PLXNB2: variants seen among roughly 807,000 people sequenced by gnomAD.
PLXNB2 encodes the protein plexin-B2.
In PLXNB2, 85 loss-of-function variants were observed where a neutral mutation model predicts 202.6. The ratio of observed to expected loss-of-function variants is 0.42; its 90% confidence interval spans 0.35 to 0.50. PLXNB2 has a LOEUF of 0.50. PLXNB2 is among the 20% of genes least tolerant of loss of function. The pLI is 0.02. For synonymous variants in PLXNB2, 1,239 were observed against 1,137.6 expected, an observed-to-expected ratio of 1.09 and a Z score of -1.79; for missense variants, 2,063 against 2,586.2, an observed-to-expected ratio of 0.80 and a Z score of 4.39.
intron 7 of PLXNB2, 66 bp downstream of exon 7, chr22:50,287,601 G>T: frequency 7.0e-7 from 1 of 1,433,690 alleles, no homozygotes; most frequent in Non-Finnish European, 9.4e-7. Context: ...ACAGCTCCCA[G>T]CATGGGGGAG....
Position 50,289,964 on chromosome 22 carries a change from C to T in PLXNB2, c.621G>A (p.Lys207=). The T allele has an allele frequency of 1.2e-6, 2 of 1,613,342 alleles. No individual in the cohort carries two copies. The highest frequency in any genetic ancestry group is 1.7e-6 in the Non-Finnish European group (2 of 1,180,028). The stretch of plus-strand genomic sequence containing the variant: ...GTGTGTTGGTGGACAGGTAGCCGGC[C>T]TTGTAGGTGGCGTGGTCCGTGTAGG... ...FEAYTDHATY[K]AGYLSTNTQQ... The change falls in exon 3 of 37, where the codon AAG becomes AAA. Residue 207 remains lysine (K), a synonymous_variant. Transcript: ENST00000359337. This position sits in a 1 kb window ranked among gnomAD's most constrained non-coding sequence, Gnocchi z 8.0.
intron 27 of PLXNB2, 24 bp from the exon 28 acceptor site, chr22:50,279,035 C>G (rs751119744): frequency 3.2e-6 from 5 of 1,584,490 alleles, no homozygotes; most frequent in Non-Finnish European, 4.3e-6. Context: ...CGGGATGAAG[C>G]CCAGTGGGAG....
intron 25 of PLXNB2, 22 bp from the exon 26 acceptor site, chr22:50,280,093 G>C (rs774430663): frequency 1.3e-6 from 2 of 1,575,294 alleles, no homozygotes; most frequent in South Asian, 1.2e-5. Flanking sequence ...GGGAGGCCTT[G>C]TACCGAGTGA....
chr22:50,277,956 C>A lies in PLXNB2; in HGVS notation c.4945G>T (p.Ala1649Ser). 6.2e-7 allele frequency: 1 copy of A among 1,612,880 alleles called. No individual in the cohort carries two copies. Among genetic ancestry groups the A allele is most frequent in the Non-Finnish European group, 8.5e-7 (1 of 1,179,712 alleles). Reference protein sequence around the residue: ...FFQSVLAPGHAVPPAVKYFFD... With the variant: ...FFQSVLAPGHSVPPAVKYFFD... ...AAGTACTTGACTGCAGGTGGCACCGCGTGCCCAGGCGCCAGCACGCTCTGG... is the reference window on the plus strand; with the variant it reads ...AAGTACTTGACTGCAGGTGGCACCGAGTGCCCAGGCGCCAGCACGCTCTGG... Residue 1649 changes from alanine (A) to serine (S), a missense_variant, in exon 32 of 37, where the codon GCG (alanine) becomes TCG (serine). Around this residue, in one of 2 missense-constraint regions of PLXNB2, gnomAD observed 760 missense variants for 1,109.4 expected, o/e 0.69. Coordinates refer to ENST00000359337, the MANE Select transcript of PLXNB2 (RefSeq NM_012401.4).
At position 50,297,394 on chromosome 22, in the gene PLXNB2, C is replaced by G. The variant is rs1000660318; in HGVS notation, c.-73-2616G>C. ...ATCGATCCACTCAGGAAGCCAGAGG[C>G]AAGACCCATACTCCACTCTCCTGGA... is the stretch of plus-strand genomic sequence containing the variant. On this transcript the variant is annotated intron_variant, in intron 1 of 36. Transcript: ENST00000359337. The surrounding 1 kb of genome is among the most constrained non-coding windows in gnomAD (Gnocchi z 5.3). Among the ~76,000 whole-genome samples the G allele has an allele frequency of 9.9e-5, 15 of 152,206 alleles. No individual in the cohort carries two copies. Among genetic ancestry groups the G allele is most frequent in the African/African-American group, 3.6e-4 (15 of 41,438 alleles).
intron 2 of PLXNB2, among the ~76,000 whole-genome samples, chr22:50,292,263 G>A (rs2066923196): frequency 6.6e-6 from 1 of 151,130 alleles, no homozygotes; most frequent in Non-Finnish European, 1.5e-5. Context: ...GCGTGAACCT[G>A]GGAGGCGGAG....
At chr22:50,278,723 G>A (rs1180692482) in intron 28 of PLXNB2, 27 bp from the exon 29 acceptor site, 2 of 1,597,052 alleles carry the variant, frequency 1.3e-6, no homozygotes, top group East Asian at 2.3e-5. Flanking sequence ...CCCAGCTTGG[G>A]CCCCAGCCAC....
rs779164308 is a variant in PLXNB2 at position 50,288,803 on chromosome 22, G to A, written c.1320C>T (p.Val440=). 7 of 1,613,222 alleles carry A rather than the reference G, an allele frequency of 4.3e-6. No individual in the cohort carries two copies. The South Asian group carries it at 6.6e-5, about 15-fold the overall frequency. Residue 440 remains valine, a synonymous_variant, in exon 5 of 37, where the codon GTC becomes GTT. Transcript: ENST00000359337. This position sits in a 1 kb window ranked among gnomAD's most constrained non-coding sequence, Gnocchi z 5.0. ...CTCCAGACAGTACCAGGTCGCGCTT[G>A]ACTCTCTTGTTTATCTCCACAAGGA... is the stretch of plus-strand genomic sequence containing the variant. ...DSILVEINKR[V]KRDLVLSGDL...
chr22:50,300,309 C>G, intron 1 of PLXNB2: 2 of 985,408 alleles, frequency 2.0e-6, no homozygotes, highest in Non-Finnish European at 2.4e-6. Flanking sequence ...GCACAGCCGG[C>G]CATTACCTAA....
At position 50,284,734 on chromosome 22, in the gene PLXNB2, G is replaced by A. The variant is rs1160729878; in HGVS notation, c.2089-69C>T. The A allele has an allele frequency of 9.5e-6, 11 of 1,161,350 alleles. No individual in the cohort carries two copies. The highest frequency in any genetic ancestry group is 1.4e-5 in the Non-Finnish European group (11 of 769,670). The allele number at this position is 1,161,350 out of a possible 1,614,324, so 71.9% of individuals were successfully genotyped here. A position where few individuals can be genotyped will look rare whatever the true frequency, so the allele number is the denominator to read the frequency against. On this transcript the variant is annotated intron_variant, in intron 11 of 36. Transcript: ENST00000359337. The surrounding 1 kb of genome is among the most constrained non-coding windows in gnomAD (Gnocchi z 8.0). Reference sequence around the variant, plus strand: ...CCCTGGCCCTCCTCCCAGAACCCCTGCAGCCCCTCCTCTGTGCCTACAGTG... The same window carrying A: ...CCCTGGCCCTCCTCCCAGAACCCCTACAGCCCCTCCTCTGTGCCTACAGTG...
Position 50,287,080 on chromosome 22 carries a change from G to A in PLXNB2, c.1762+31C>T, listed in dbSNP as rs765596684. The A allele has an allele frequency of 1.6e-5, 23 of 1,473,832 alleles. No individual in the cohort carries two copies. In the Middle Eastern group the frequency reaches 5.7e-4, roughly 37 times the overall value. 91.3% of individuals were successfully genotyped at this position (1,473,832 alleles called of 1,614,324 possible). ...CACAGGGCCCCGTGCGACCGAGAAG[G>A]GCCACCCGGGGGCTCGGGAAGGGGC... On this transcript the variant is annotated intron_variant, in intron 8 of 36. Coordinates refer to ENST00000359337, the MANE Select transcript of PLXNB2 (RefSeq NM_012401.4).
chr22:50,280,624 T>C lies in PLXNB2; in HGVS notation c.4040A>G (p.Lys1347Arg). 3.7e-6 allele frequency: 6 copies of C among 1,612,720 alleles called. No homozygotes were observed. Among genetic ancestry groups the C allele is most frequent in the Non-Finnish European group, 5.1e-6 (6 of 1,179,882 alleles). Residue 1347 changes from lysine (K) to arginine (R), a missense_variant, in exon 25 of 37, where the codon AAG becomes AGG. Transcript: ENST00000359337. ...CGTCAGCAGGGACGCGAAGTAGACCTTGGCGCGGGCCGAGAACTCCCGCTG... is the reference window on the plus strand; with the variant it reads ...CGTCAGCAGGGACGCGAAGTAGACCCTGGCGCGGGCCGAGAACTCCCGCTG... ...ENQREFSARAKVYFASLLTVA... is the reference protein window; with the variant it reads ...ENQREFSARARVYFASLLTVA...
At position 50,274,980 on chromosome 22, in the gene PLXNB2, A is replaced by G. The variant is rs4838815; in HGVS notation, c.*724T>C. On this transcript the variant is annotated 3_prime_UTR_variant, in exon 37 of 37. Coordinates refer to ENST00000359337, the MANE Select transcript of PLXNB2 (RefSeq NM_012401.4). The stretch of plus-strand genomic sequence containing the variant: ...CAGGAGGAACACTCAGCCAACCCGC[A>G]GAGTGAAAAAGACGCTGTATTTGAT... 48,858 of 115,948 alleles carry G rather than the reference A, an allele frequency of 0.42. 11,313 individuals are homozygous for G. Among genetic ancestry groups the G allele is most frequent in the Admixed American group, 0.52 (5,860 of 11,180 alleles). The allele number at this position is 115,948 out of a possible 1,614,324, so 7.2% of individuals were successfully genotyped here.
rs2065745202 is a variant in PLXNB2, at chr22:50,278,172, TTC to T, written c.4830_4831del (p.Lys1611GlyfsTer62). On this transcript the variant is annotated frameshift_variant, in exon 31 of 37. Transcript: ENST00000359337. LOFTEE classifies it high-confidence loss of function. ...CTCGGTGATGGCCTTCGTCCGCTCCTTCTCTTTCACGCTGCCTCTCTTGGACT... is the reference window on the plus strand; with the variant it reads ...CTCGGTGATGGCCTTCGTCCGCTCCTTCTTTCACGCTGCCTCTCTTGGACT... 2 of 1,603,548 alleles carry T rather than the reference TTC, an allele frequency of 1.2e-6. No individual in the cohort carries two copies.
At chr22:50,301,262 C>T in intron 1 of PLXNB2, 1 of 358,300 alleles carries the variant, frequency 2.8e-6, no homozygotes, top group Non-Finnish European at 3.9e-6. Flanking sequence ...AGACCCCATC[C>T]TGTCCAACCT....
chr22:50,287,119 G>A lies in PLXNB2; in HGVS notation c.1754C>T (p.Pro585Leu), dbSNP rs890732555. 1.3e-6 allele frequency: 2 copies of A among 1,522,762 alleles called. No individual in the cohort carries two copies. Among genetic ancestry groups the A allele is most frequent in the Non-Finnish European group, 1.8e-6 (2 of 1,131,152 alleles). The allele number at this position is 1,522,762 out of a possible 1,614,324, so 94.3% of individuals were successfully genotyped here. A position where few individuals can be genotyped will look rare whatever the true frequency, so the allele number is the denominator to read the frequency against. Residue 585 changes from proline (P) to leucine (L), a missense_variant, in exon 8 of 37, where the codon CCA (proline) becomes CTA (leucine). Transcript: ENST00000359337. ...NSPSSIPVTPPGQDHVAVTIQ... is the reference protein window; with the variant it reads ...NSPSSIPVTPLGQDHVAVTIQ... ...TCGGGAAGGGGCCTCACCCTGGCCTGGCGGTGTGACGGGGATGCTGCTTGG... is the reference window on the plus strand; with the variant it reads ...TCGGGAAGGGGCCTCACCCTGGCCTAGCGGTGTGACGGGGATGCTGCTTGG...
chr22:50,282,558 G>C, intron 18 of PLXNB2, 153 bp downstream of exon 18: 1 of 651,380 alleles, frequency 1.5e-6, no homozygotes, highest in Non-Finnish European at 2.5e-6. Context: ...TTTCTAGGAG[G>C]AAGTGGATCT....
Position 50,283,047 on chromosome 22 carries a change from C to G in PLXNB2, c.2816+3G>C. On this transcript the variant is annotated splice_donor_region_variant and intron_variant, in intron 17 of 36. Transcript: ENST00000359337. ...AGACTCAGCAGCTGGCGGTGACACCCACACTTTACACGGGACGCCGTTGAG... is the reference window on the plus strand; with the variant it reads ...AGACTCAGCAGCTGGCGGTGACACCGACACTTTACACGGGACGCCGTTGAG... The G allele has an allele frequency of 1.9e-6, 3 of 1,607,018 alleles. No homozygotes were observed. The highest frequency in any genetic ancestry group is 2.5e-6 in the Non-Finnish European group (3 of 1,176,902).
intron 1 of PLXNB2, among the ~76,000 whole-genome samples, chr22:50,304,967 G>T (rs1251780193): frequency 2.0e-5 from 3 of 152,188 alleles, no homozygotes; most frequent in Non-Finnish European, 4.4e-5. Flanking sequence ...TCCAAGGAGG[G>T]CGGCCAGGCT....
Sources: gnomAD v4.1 joint callset for allele counts (sites outside exome capture counted in the v4.1 genomes callset) on GRCh38, gnomAD v4.1.1 for gene constraint, gnomAD v4.1.1 regional missense constraint, Gnocchi (gnomAD v3.1) non-coding constraint, MANE v1.5 for transcripts, NCBI Gene and HGNC (gene_info 2026-07-23, HGNC 2026-07-21) for gene names.